Variants in SIPA1L2 observed in about 807,000 individuals in gnomAD.
The protein encoded by SIPA1L2 is signal induced proliferation associated 1 like 2.
Under a neutral mutation model 163.9 loss-of-function variants are expected in SIPA1L2, and 56 were observed. That is an observed-to-expected ratio of 0.34 (90% CI 0.28 to 0.43). SIPA1L2 has a LOEUF of 0.43. SIPA1L2 is among the 20% of genes least tolerant of loss of function. SIPA1L2 has a pLI of 1.00. For missense variants in SIPA1L2, 1,974 were observed against 2,193.5 expected (o/e 0.90, Z 2.00); for synonymous variants, 877 against 865.7 (o/e 1.01, Z -0.23).
At chr1:232,484,130 G>C (rs1665525933) in intron 5 of SIPA1L2, among the ~76,000 whole-genome samples, 164 bp from the exon 6 acceptor site, 1 of 152,208 alleles carries the variant, frequency 6.6e-6, no homozygotes, top group Non-Finnish European at 1.5e-5. Context: ...TGTGAAAGAT[G>C]CTACAAATAA....
intron 7 of SIPA1L2, among the ~76,000 whole-genome samples, chr1:232,476,354 A>T (rs1665046225): frequency 6.6e-6 from 1 of 152,150 alleles, no homozygotes; most frequent in Non-Finnish European, 1.5e-5. Context: ...ACCCCTTCCC[A>T]ACACAGCAGC....
chr1:232,448,826 G>A (rs1334452524), intron 10 of SIPA1L2, among the ~76,000 whole-genome samples: 2 of 152,186 alleles, frequency 1.3e-5, no homozygotes, highest in Admixed American at 6.5e-5. Flanking sequence ...TCCACACAGC[G>A]CCTGGCCTAG....
At chr1:232,594,507 C>CTGGA (rs932445761) in intron 1 of SIPA1L2, among the ~76,000 whole-genome samples, 2 of 152,164 alleles carry the variant, frequency 1.3e-5, no homozygotes, top group Non-Finnish European at 2.9e-5. Context: ...ATCGCTCTGT[C>CTGGA]TGGAGTAGCT....
Position 232,514,051 on chromosome 1 carries a change from T to A in SIPA1L2, c.1289A>T (p.Asn430Ile). ...TTCCCCAGAACTGAAAGAGGATGAG[T>A]TGGCTCGAGAGAGCGCAATCCGCCT... ...GDRRIALSRA[N>I]SSSFSSGESC... The change falls in exon 3 of 23, where the codon AAC becomes ATC. Residue 430 changes from asparagine (N) to isoleucine (I), a missense_variant. Physicochemically the swap from Asn to Ile is moderately radical, Grantham distance 149. Transcript: ENST00000674635. 1.2e-6 allele frequency: 2 copies of A among 1,614,138 alleles called. No individual in the cohort carries two copies. Among genetic ancestry groups the A allele is most frequent in the Non-Finnish European group, 1.7e-6 (2 of 1,180,020 alleles).
At chr1:232,459,913 T>C (rs1275294447) in intron 10 of SIPA1L2, among the ~76,000 whole-genome samples, 1 of 152,206 alleles carries the variant, frequency 6.6e-6, no homozygotes, top group Non-Finnish European at 1.5e-5. Flanking sequence ...ATTGAAATCA[T>C]AGGAGGTAGG....
intron 1 of SIPA1L2, among the ~76,000 whole-genome samples, chr1:232,575,037 C>G (rs945814334): frequency 3.3e-5 from 5 of 152,190 alleles, no homozygotes; most frequent in African/African-American, 1.2e-4. Flanking sequence ...TAAGATCATG[C>G]TTTCAACACA....
intron 16 of SIPA1L2, among the ~76,000 whole-genome samples, chr1:232,430,149 G>T (rs1386910168): frequency 6.6e-6 from 1 of 152,166 alleles, no homozygotes; most frequent in Non-Finnish European, 1.5e-5. Context: ...CCAGTCCGGG[G>T]GTGTGTGCAT....
At chr1:232,501,494 C>A (rs114757769) in intron 3 of SIPA1L2, among the ~76,000 whole-genome samples, 2 of 152,046 alleles carry the variant, frequency 1.3e-5, no homozygotes, top group African/African-American at 2.4e-5. Context: ...CCAGGGAAGG[C>A]ACCTCCAGTC....
chr1:232,556,377 G>T lies in SIPA1L2; in HGVS notation c.-270+17797C>A, dbSNP rs146659644. ...AATTATCTCAATTACATTTTTAAAAGAAAAAGTGAACCCAAAACTTCTTCT... is the reference window on the plus strand; with the variant it reads ...AATTATCTCAATTACATTTTTAAAATAAAAAGTGAACCCAAAACTTCTTCT... On this transcript the variant is annotated intron_variant, in intron 2 of 22. Coordinates refer to ENST00000674635, the MANE Select transcript of SIPA1L2 (RefSeq NM_020808.5). Among the ~76,000 whole-genome samples, 592 of 152,114 alleles carry T rather than the reference G, an allele frequency of 3.9e-3. 1 individual carries two copies. The highest frequency in any genetic ancestry group is 6.3e-3 in the Non-Finnish European group (426 of 68,006).
At chr1:232,607,561 T>G (rs919923734) in intron 1 of SIPA1L2, among the ~76,000 whole-genome samples, 3 of 152,124 alleles carry the variant, frequency 2.0e-5, no homozygotes, top group Admixed American at 6.5e-5. Context: ...GCACAGAGCT[T>G]AACCAAGAAG....
chr1:232,572,746 T>TAC (rs1268436658), intron 2 of SIPA1L2, among the ~76,000 whole-genome samples: 7 of 90,420 alleles, frequency 7.7e-5, no homozygotes, highest in African/African-American at 3.2e-4. Context: ...TACATATATA[T>TAC]ATATATATAT....
intron 2 of SIPA1L2, among the ~76,000 whole-genome samples, chr1:232,516,571 A>G (rs1390234803): frequency 6.6e-6 from 1 of 151,530 alleles, no homozygotes; most frequent in African/African-American, 2.4e-5. Flanking sequence ...CTAAAATATC[A>G]TTTTATTTCC....
chr1:232,398,697 T>C lies in SIPA1L2; in HGVS notation c.*430A>G, dbSNP rs1304239104. On this transcript the variant is annotated 3_prime_UTR_variant, in exon 23 of 23. Transcript: ENST00000674635. ...AGAGCACCTTTAACATTAAAGTATA[T>C]GTCTGATTATTTGTTCTCATGTTTA... 6.3e-6 allele frequency: 1 copy of C among 158,384 alleles called. No homozygotes were observed. The highest frequency in any genetic ancestry group is 2.4e-5 in the African/African-American group (1 of 41,578). The allele number at this position is 158,384 out of a possible 1,614,324, so 9.8% of individuals were successfully genotyped here. A position where few individuals can be genotyped will look rare whatever the true frequency, so the allele number is the denominator to read the frequency against.
chr1:232,408,525 A>C (rs1244879970), intron 19 of SIPA1L2, among the ~76,000 whole-genome samples: 1 of 152,186 alleles, frequency 6.6e-6, no homozygotes, highest in African/African-American at 2.4e-5. Context: ...TTATAATGAT[A>C]CCAGCTGTGA....
chr1:232,564,677 ATATT>A (rs1204951569), intron 2 of SIPA1L2, among the ~76,000 whole-genome samples: 12 of 152,116 alleles, frequency 7.9e-5, no homozygotes, highest in Admixed American at 3.9e-4. Flanking sequence ...TTTTTTCAAT[ATATT>A]TATCTGAAAA....
At chr1:232,497,807 T>C (rs187529143) in intron 3 of SIPA1L2, among the ~76,000 whole-genome samples, 5 of 152,276 alleles carry the variant, frequency 3.3e-5, no homozygotes, top group Non-Finnish European at 7.4e-5. Context: ...GTCTCTGTCT[T>C]TATACTTATA....
intron 1 of SIPA1L2, among the ~76,000 whole-genome samples, chr1:232,597,504 C>G (rs12728981): frequency 2.0e-5 from 3 of 147,722 alleles, no homozygotes; most frequent in African/African-American, 5.0e-5. Context: ...GGTGAAACCC[C>G]GTCTCTACTA....
At position 232,578,645 on chromosome 1, in the gene SIPA1L2, T is replaced by C. The variant is rs943019324; in HGVS notation, c.-318-4423A>G. On this transcript the variant is annotated intron_variant, in intron 1 of 22. Coordinates refer to ENST00000674635, the MANE Select transcript of SIPA1L2 (RefSeq NM_020808.5). ...CTGTGTTTTGTGACTAAATATCTTATGCTTAATGTCTCTTCTCTAGGAGAG... is the reference window on the plus strand; with the variant it reads ...CTGTGTTTTGTGACTAAATATCTTACGCTTAATGTCTCTTCTCTAGGAGAG... Among the ~76,000 whole-genome samples the C allele has an allele frequency of 3.3e-5, 5 of 152,330 alleles. No individual in the cohort carries two copies. In the South Asian group the frequency reaches 6.2e-4, roughly 19 times the overall value.
chr1:232,613,651 T>A (rs566280014), intron 1 of SIPA1L2, among the ~76,000 whole-genome samples: 1 of 150,582 alleles, frequency 6.6e-6, no homozygotes, highest in South Asian at 2.1e-4. Context: ...ATTAGAAGGA[T>A]CCAGTTTTTA....
Sources: allele counts gnomAD v4.1 joint callset (sites outside exome capture counted in the v4.1 genomes callset), GRCh38; gene constraint gnomAD v4.1.1; transcripts MANE v1.5; gene names NCBI Gene and HGNC (gene_info 2026-07-23, HGNC 2026-07-21).